The following CDC42BPA variants were observed in gnomAD, a reference collection of about 807,000 sequenced individuals.
CDC42BPA encodes the protein CDC42 binding protein kinase alpha, also known as serine/threonine-protein kinase MRCK alpha.
In CDC42BPA, 80 loss-of-function variants were observed where a neutral mutation model predicts 223.5. The ratio of observed to expected loss-of-function variants is 0.36; its 90% CI spans 0.30 to 0.43. The LOEUF (loss-of-function observed/expected upper bound fraction) is 0.43, where lower values mean the gene tolerates loss of function less well. Ranked by LOEUF, CDC42BPA falls within the 20% of genes least tolerant of loss-of-function variation. CDC42BPA has a pLI of 1.00. For synonymous variants in CDC42BPA, 694 were observed against 718.6 expected (o/e 0.97, Z 0.55); for missense variants, 1,743 against 2,099.9 (o/e 0.83, Z 3.32).
At chr1:227,091,292 C>T (rs896237304) in intron 16 of CDC42BPA, among the ~76,000 whole-genome samples, 1 of 152,208 alleles carries the variant, frequency 6.6e-6, no homozygotes, top group Admixed American at 6.5e-5. Context: ...AATGTGATTC[C>T]CAGTGTTGGA....
intron 2 of CDC42BPA, among the ~76,000 whole-genome samples, chr1:227,244,263 A>G (rs1319349341): frequency 6.6e-6 from 1 of 152,234 alleles, no homozygotes. Context: ...CAAAAACCAT[A>G]AACAACTTGA....
At chr1:227,265,126 A>C in intron 1 of CDC42BPA, 1 of 760,620 alleles carries the variant, frequency 1.3e-6, no homozygotes, top group Non-Finnish European at 2.5e-6. Flanking sequence ...AAACTTTAAC[A>C]TGCTGTGTAC....
chr1:227,203,219 T>G (rs1672094822), intron 3 of CDC42BPA, among the ~76,000 whole-genome samples: 2 of 152,222 alleles, frequency 1.3e-5, no homozygotes, highest in Admixed American at 6.5e-5. Flanking sequence ...ATCAATGCCT[T>G]GAATCCTGAG....
rs192642658 is a variant in CDC42BPA, at chr1:227,076,414, G to A, written c.2481-2050C>T. The stretch of plus-strand genomic sequence containing the variant: ...TGGGATTACTGGCACATGCCACCAC[G>A]CCTGGCTAATTTTTGTATTTTTAGT... On this transcript the variant is annotated intron_variant, in intron 17 of 36. Coordinates refer to ENST00000366766, the MANE Select transcript of CDC42BPA (RefSeq NM_001394014.1). 2.6e-3 allele frequency among the ~76,000 whole-genome samples: 391 copies of A among 152,004 alleles called. 5 individuals carry two copies. Among genetic ancestry groups the A allele is most frequent in the Admixed American group, 0.024 (369 of 15,252 alleles).
chr1:227,115,948 T>C (rs1687719185), intron 12 of CDC42BPA, among the ~76,000 whole-genome samples: 1 of 151,898 alleles, frequency 6.6e-6, no homozygotes, highest in Admixed American at 6.6e-5. Context: ...TCAGTTCCAG[T>C]GATATATAAA....
At chr1:227,138,933 C>T (rs184642600) in intron 10 of CDC42BPA, among the ~76,000 whole-genome samples, 5 of 152,080 alleles carry the variant, frequency 3.3e-5, no homozygotes, top group South Asian at 2.1e-4. Flanking sequence ...TTGTAGGTAA[C>T]GGTGGCAGTG....
At chr1:227,129,702 C>CATATATATATATATATATATATATAT (rs1196658904) in intron 10 of CDC42BPA, among the ~76,000 whole-genome samples, 168 of 70,854 alleles carry the variant, frequency 2.4e-3, no homozygotes, top group African/African-American at 4.1e-3. Context: ...AAATCCACTG[C>CATATATATATATATATATATATATAT]ATATATATAT....
In CDC42BPA at chr1:227,317,259, A is replaced by G. The variant is rs1161304489; in HGVS notation, c.-77T>C. On this transcript the variant is annotated 5_prime_UTR_variant, in exon 1 of 37. Transcript: ENST00000366766. ...CTATTATCTGAACCTAAATTTTAAAAGGTATGGTTTTAAAAATAAACCACT... is the reference window on the plus strand; with the variant it reads ...CTATTATCTGAACCTAAATTTTAAAGGGTATGGTTTTAAAAATAAACCACT... 4.7e-6 allele frequency: 7 copies of G among 1,473,772 alleles called. No individual in the cohort carries two copies. Among genetic ancestry groups the G allele is most frequent in the Non-Finnish European group, 6.4e-6 (7 of 1,088,668 alleles). 91.3% of individuals were successfully genotyped at this position (1,473,772 alleles called of 1,614,324 possible).
intron 2 of CDC42BPA, among the ~76,000 whole-genome samples, chr1:227,237,011 C>A (rs1286012294): frequency 2.1e-5 from 3 of 142,988 alleles, no homozygotes; most frequent in Non-Finnish European, 4.5e-5. Context: ...CCACTGCACT[C>A]CAGCCTCGAT....
intron 14 of CDC42BPA, among the ~76,000 whole-genome samples, chr1:227,106,956 T>C (rs1451170012): frequency 6.6e-6 from 1 of 152,244 alleles, no homozygotes; most frequent in Non-Finnish European, 1.5e-5. Context: ...ATTGTTTTGA[T>C]TACTGTAACT....
At chr1:227,203,605 T>G (rs1248008036) in intron 3 of CDC42BPA, among the ~76,000 whole-genome samples, 1 of 152,126 alleles carries the variant, frequency 6.6e-6, no homozygotes, top group African/African-American at 2.4e-5. Context: ...AAACAGAATA[T>G]TTGATATCTA....
intron 12 of CDC42BPA, 147 bp downstream of exon 12, chr1:227,119,657 C>A: frequency 4.0e-6 from 2 of 502,654 alleles, no homozygotes; most frequent in Non-Finnish European, 6.3e-6. Flanking sequence ...TAACATACAC[C>A]AAAATAATCC....
In CDC42BPA at chr1:227,213,178, G is replaced by T; in HGVS notation, c.312C>A (p.Ala104=). 6.4e-7 allele frequency: 1 copy of T among 1,572,204 alleles called. No homozygotes were observed. The part of the protein sequence containing the change: ...VKLKNADKVF[A]MKILNKWEML... The stretch of plus-strand genomic sequence containing the variant: ...TTTCCCATTTATTCAATATTTTCAT[G>T]GCAAACACTTTATCTGCATTTTTTA... The change falls in exon 3 of 37, where the codon GCC becomes GCA. Residue 104 remains alanine, a synonymous_variant. Coordinates refer to ENST00000366766, the MANE Select transcript of CDC42BPA (RefSeq NM_001394014.1).
At chr1:227,021,047 G>A (rs1460334841) in intron 32 of CDC42BPA, among the ~76,000 whole-genome samples, 1 of 152,126 alleles carries the variant, frequency 6.6e-6, no homozygotes, top group African/African-American at 2.4e-5. Flanking sequence ...TATCAATTAA[G>A]TTTGGCATCT....
At chr1:227,230,688 G>T (rs2813955) in intron 2 of CDC42BPA, among the ~76,000 whole-genome samples, 1 of 151,958 alleles carries the variant, frequency 6.6e-6, no homozygotes. Context: ...AAAATACTCA[G>T]TTATCTTATT....
At chr1:227,249,144 G>A (rs1161870757) in intron 2 of CDC42BPA, among the ~76,000 whole-genome samples, 2 of 152,064 alleles carry the variant, frequency 1.3e-5, no homozygotes, top group South Asian at 2.1e-4. Context: ...TACATACAGG[G>A]AACTAATTTT....
At chr1:227,024,302 T>C (rs1667864126) in intron 31 of CDC42BPA, among the ~76,000 whole-genome samples, 1 of 152,222 alleles carries the variant, frequency 6.6e-6, no homozygotes, top group South Asian at 2.1e-4. Flanking sequence ...TTACAAAACC[T>C]ATGAATCCTG....
chr1:227,120,565 C>T (rs1255484455), intron 11 of CDC42BPA, among the ~76,000 whole-genome samples: 1 of 152,186 alleles, frequency 6.6e-6, no homozygotes, highest in Non-Finnish European at 1.5e-5. Flanking sequence ...CTGACTTTTC[C>T]ACCTTACAAG....
rs965859004 is a variant in CDC42BPA, at chr1:227,294,565, A to C, written c.178+22440T>G. Among the ~76,000 whole-genome samples the C allele has an allele frequency of 1.5e-5, 2 of 136,514 alleles. 1 individual carries two copies. The highest frequency in any genetic ancestry group is 3.2e-5 in the Non-Finnish European group (2 of 62,634). 89.6% of individuals were successfully genotyped at this position (136,514 alleles called of 152,430 possible). A position where few individuals can be genotyped will look rare whatever the true frequency, so the allele number is the denominator to read the frequency against. On this transcript the variant is annotated intron_variant, in intron 1 of 36. Coordinates refer to ENST00000366766, the MANE Select transcript of CDC42BPA (RefSeq NM_001394014.1). ...TTTCAGAGAGAAAGAAACTGAAGCA[A>C]AAAGAGGTTAATTGGCCGGGCGCGG... is the stretch of plus-strand genomic sequence containing the variant.
Sources: allele counts gnomAD v4.1 joint callset (sites outside exome capture counted in the v4.1 genomes callset), GRCh38; gene constraint gnomAD v4.1.1; transcripts MANE v1.5; gene names NCBI Gene and HGNC (gene_info 2026-07-23, HGNC 2026-07-21).